ZFPM2: variants seen among roughly 807,000 people sequenced by gnomAD.
The protein encoded by ZFPM2 is zinc finger protein, FOG family member 2.
A neutral mutation model predicts 98.6 loss-of-function variants in ZFPM2; 20 were observed. The ratio of observed to expected loss-of-function variants is 0.20; its 90% confidence interval spans 0.14 to 0.29. The LOEUF (loss-of-function observed/expected upper bound fraction) is 0.29. Ranked by LOEUF, ZFPM2 falls within the 10% of genes least tolerant of loss-of-function variation. The pLI, the probability that ZFPM2 is intolerant of heterozygous loss-of-function variation, is 1.00. For missense variants in ZFPM2, 1,310 were observed against 1,388.6 expected, an observed-to-expected ratio of 0.94 and a Z score of 0.90; for synonymous variants, 518 against 502.7, an observed-to-expected ratio of 1.03 and a Z score of -0.41.
At chr8:105,479,309 A>T (rs2130378522) in intron 3 of ZFPM2, among the ~76,000 whole-genome samples, 1 of 152,282 alleles carries the variant, frequency 6.6e-6, no homozygotes, top group East Asian at 1.9e-4. Context: ...AGAAATAGGT[A>T]TTTCTATTGT....
Position 105,466,188 on chromosome 8 carries a change from A to T in ZFPM2, c.301+21807A>T, listed in dbSNP as rs865797880. 3.9e-5 allele frequency among the ~76,000 whole-genome samples: 6 copies of T among 151,968 alleles called. No homozygotes were observed. The South Asian group carries it at 1.2e-3, about 32-fold the overall frequency. On this transcript the variant is annotated intron_variant, in intron 3 of 7. Coordinates refer to ENST00000407775, the MANE Select transcript of ZFPM2 (RefSeq NM_012082.4). ...CATTTCCTTTGCCAAACTAATTTTT[A>T]TTTTTATAGGGGGATGGATGTGTTA...
Position 105,324,871 on chromosome 8 carries a change from T to C in ZFPM2, c.40+5890T>C, listed in dbSNP as rs117779607. Among the ~76,000 whole-genome samples the C allele has an allele frequency of 3.9e-5, 6 of 152,032 alleles. No individual in the cohort carries two copies. The East Asian group carries it at 1.2e-3, about 29-fold the overall frequency. On this transcript the variant is annotated intron_variant, in intron 1 of 7. Transcript: ENST00000407775. The stretch of plus-strand genomic sequence containing the variant: ...CCATTTAGAGAAAGTTTTTTGATGT[T>C]TGGCCAAATTGTGTGAAGAATATAA...
chr8:105,415,124 A>T (rs537549781), intron 1 of ZFPM2: 1 of 152,218 alleles, frequency 6.6e-6, no homozygotes, highest in South Asian at 2.1e-4. Flanking sequence ...TGAAAATGGA[A>T]GTACTCAGTA....
intron 5 of ZFPM2, among the ~76,000 whole-genome samples, chr8:105,657,440 T>C (rs1817307229): frequency 6.6e-6 from 1 of 152,128 alleles, no homozygotes; most frequent in African/African-American, 2.4e-5. Context: ...CACCTGGCCG[T>C]AATGCTCTTC....
intron 5 of ZFPM2, among the ~76,000 whole-genome samples, chr8:105,774,737 A>G (rs1813059322): frequency 1.3e-5 from 2 of 152,180 alleles, no homozygotes; most frequent in South Asian, 2.1e-4. Flanking sequence ...AGAAAAATAC[A>G]AAGCACAGAA....
intron 2 of ZFPM2, among the ~76,000 whole-genome samples, chr8:105,423,910 C>A (rs1341553885): frequency 6.6e-6 from 1 of 152,004 alleles, no homozygotes; most frequent in African/African-American, 2.4e-5. Flanking sequence ...GGGATAAATT[C>A]CAGGAGAATG....
At chr8:105,418,869 G>T in intron 1 of ZFPM2, 1 of 559,264 alleles carries the variant, frequency 1.8e-6, no homozygotes, top group East Asian at 3.8e-5. Flanking sequence ...AAAAAAATAA[G>T]TTTGGGGCTT....
At chr8:105,655,004 CA>C (rs1817255040) in intron 5 of ZFPM2, among the ~76,000 whole-genome samples, 1 of 152,022 alleles carries the variant, frequency 6.6e-6, no homozygotes, top group Middle Eastern at 3.2e-3. Context: ...GACAGATTCC[CA>C]AATAAACTAT....
At chr8:105,353,963 G>C (rs1238025793) in intron 1 of ZFPM2, among the ~76,000 whole-genome samples, 2 of 152,096 alleles carry the variant, frequency 1.3e-5, no homozygotes, top group African/African-American at 4.8e-5. Context: ...TTGGATTGTG[G>C]CTGTATTCTA....
intron 1 of ZFPM2, among the ~76,000 whole-genome samples, chr8:105,389,589 C>T (rs1811069666): frequency 6.6e-6 from 1 of 152,120 alleles, no homozygotes. Context: ...GATTGGGAAC[C>T]AGAGAGAGAG....
chr8:105,784,225 G>T (rs1175546882), intron 5 of ZFPM2, among the ~76,000 whole-genome samples: 1 of 151,990 alleles, frequency 6.6e-6, no homozygotes, highest in South Asian at 2.1e-4. Flanking sequence ...AAATTAAAGC[G>T]GGCCATATTT....
chr8:105,710,420 G>C (rs1400570661), intron 5 of ZFPM2, among the ~76,000 whole-genome samples: 5 of 151,846 alleles, frequency 3.3e-5, no homozygotes, highest in Non-Finnish European at 5.9e-5. Flanking sequence ...AGATTTCATT[G>C]GCCTAAGCAA....
intron 5 of ZFPM2, among the ~76,000 whole-genome samples, chr8:105,660,159 A>C (rs1817360517): frequency 6.6e-6 from 1 of 152,114 alleles, no homozygotes; most frequent in Admixed American, 6.6e-5. Flanking sequence ...TTTTTATTAA[A>C]CTTAGAAGTC....
At chr8:105,618,275 A>G (rs949174940) in intron 4 of ZFPM2, among the ~76,000 whole-genome samples, 4 of 152,170 alleles carry the variant, frequency 2.6e-5, no homozygotes, top group African/African-American at 7.2e-5. Flanking sequence ...TATGTTTCTT[A>G]TAGATTTGCT....
At chr8:105,592,948 C>G (rs764832632) in intron 4 of ZFPM2, among the ~76,000 whole-genome samples, 3 of 152,138 alleles carry the variant, frequency 2.0e-5, no homozygotes, top group Non-Finnish European at 4.4e-5. Flanking sequence ...CAGCCAAGAT[C>G]TATCTCCAAA....
intron 5 of ZFPM2, among the ~76,000 whole-genome samples, chr8:105,661,398 T>C (rs184103132): frequency 3.3e-5 from 5 of 152,328 alleles, no homozygotes; most frequent in Non-Finnish European, 7.4e-5. Context: ...GCTTTTAAAA[T>C]TTCTGCGAAT....
At chr8:105,519,296 T>C (rs1161403176) in intron 3 of ZFPM2, among the ~76,000 whole-genome samples, 1 of 152,158 alleles carries the variant, frequency 6.6e-6, no homozygotes, top group African/African-American at 2.4e-5. Context: ...TTTTATATGG[T>C]TTTGATAATC....
At chr8:105,733,611 A>C (rs1412106123) in intron 5 of ZFPM2, among the ~76,000 whole-genome samples, 1 of 151,892 alleles carries the variant, frequency 6.6e-6, no homozygotes, top group Non-Finnish European at 1.5e-5. Flanking sequence ...TACTGTTTAC[A>C]GTAGTAATGA....
At chr8:105,726,731 T>C (rs1811816175) in intron 5 of ZFPM2, among the ~76,000 whole-genome samples, 1 of 151,730 alleles carries the variant, frequency 6.6e-6, no homozygotes, top group Admixed American at 6.6e-5. Context: ...ATGGATGGTT[T>C]AGGTGATAAG....
Sources: allele counts gnomAD v4.1 joint callset (sites outside exome capture counted in the v4.1 genomes callset), GRCh38; gene constraint gnomAD v4.1.1; transcripts MANE v1.5; gene names NCBI Gene and HGNC (gene_info 2026-07-23, HGNC 2026-07-21).